Variants in NRXN3 observed in about 807,000 individuals in gnomAD.
NRXN3 encodes neurexin III.
A neutral mutation model predicts 137.6 loss-of-function variants in NRXN3; 32 were observed. The ratio of observed to expected loss-of-function variants is 0.23; its 90% CI spans 0.18 to 0.31. The LOEUF (loss-of-function observed/expected upper bound fraction) is 0.31, where lower values mean the gene tolerates loss of function less well. NRXN3 is among the 10% of genes least tolerant of loss of function. NRXN3 has a pLI of 1.00. For missense variants in NRXN3, 1,574 were observed against 2,062.5 expected, an observed-to-expected ratio of 0.76 and a Z score of 4.59; for synonymous variants, 798 against 784.5, an observed-to-expected ratio of 1.02 and a Z score of -0.29.
intron 4 of NRXN3, among the ~76,000 whole-genome samples, chr14:78,525,502 G>T (rs562836719): frequency 2.2e-4 from 33 of 152,146 alleles, no homozygotes; most frequent in Non-Finnish European, 4.6e-4. Flanking sequence ...TAAAGACAGG[G>T]ATTCTCTTAC....
At chr14:78,684,621 TAGTG>T (rs765624028) in intron 6 of NRXN3, among the ~76,000 whole-genome samples, 9 of 151,630 alleles carry the variant, frequency 5.9e-5, no homozygotes, top group Non-Finnish European at 1.0e-4. Context: ...CTGGGCAACA[TAGTG>T]AGTCCCCATT....
intron 16 of NRXN3, among the ~76,000 whole-genome samples, chr14:79,470,236 A>G (rs2096482828): frequency 6.6e-6 from 1 of 152,208 alleles, no homozygotes; most frequent in Non-Finnish European, 1.5e-5. Flanking sequence ...AGATGAAGGC[A>G]GGTGGTTTTC....
At chr14:78,994,923 T>A (rs568721455) in intron 15 of NRXN3, among the ~76,000 whole-genome samples, 1 of 152,336 alleles carries the variant, frequency 6.6e-6, no homozygotes, top group African/African-American at 2.4e-5. Flanking sequence ...GAAAATATTA[T>A]AGTACGATAC....
At chr14:78,364,220 A>G (rs1027799576) in intron 4 of NRXN3, among the ~76,000 whole-genome samples, 21 of 152,248 alleles carry the variant, frequency 1.4e-4, no homozygotes, top group African/African-American at 4.8e-4. Flanking sequence ...AAAAGAGACC[A>G]GGGCTTCTAG....
At chr14:79,822,832 CA>C (rs1185173048) in intron 20 of NRXN3, among the ~76,000 whole-genome samples, 2 of 146,532 alleles carry the variant, frequency 1.4e-5, no homozygotes, top group South Asian at 2.2e-4. Flanking sequence ...AACAAACAAA[CA>C]AAAAAACCAA....
chr14:79,468,243 A>T (rs1464009404), intron 16 of NRXN3, among the ~76,000 whole-genome samples: 1 of 152,234 alleles, frequency 6.6e-6, no homozygotes, highest in East Asian at 1.9e-4. Context: ...TTCTTTTGTT[A>T]TAAGGATGGA....
intron 15 of NRXN3, among the ~76,000 whole-genome samples, chr14:79,096,662 C>T (rs1457629403): frequency 6.6e-6 from 1 of 152,086 alleles, no homozygotes; most frequent in Non-Finnish European, 1.5e-5. Context: ...CTCTCACCAG[C>T]ATTCTCTGTG....
chr14:79,853,459 TAG>T (rs2099396132), intron 20 of NRXN3: 1 of 660,624 alleles, frequency 1.5e-6, no homozygotes, highest in African/African-American at 1.9e-5. Context: ...TTGTCAGTGT[TAG>T]AGTTCTGTTC....
chr14:79,151,934 T>C (rs546121037), intron 15 of NRXN3, among the ~76,000 whole-genome samples: 1 of 152,226 alleles, frequency 6.6e-6, no homozygotes, highest in South Asian at 2.1e-4. Context: ...ATTTCCATGA[T>C]ATTAAAATTG....
At chr14:78,611,898 T>A (rs2097303742) in intron 4 of NRXN3, among the ~76,000 whole-genome samples, 1 of 152,216 alleles carries the variant, frequency 6.6e-6, no homozygotes, top group South Asian at 2.1e-4. Flanking sequence ...GCCTTTGAAT[T>A]GTTGATAAGA....
chr14:79,093,074 T>C (rs1043475642), intron 15 of NRXN3, among the ~76,000 whole-genome samples: 1 of 152,156 alleles, frequency 6.6e-6, no homozygotes, highest in Admixed American at 6.5e-5. Flanking sequence ...GGGCAGACAG[T>C]GAACATTAAA....
intron 15 of NRXN3, among the ~76,000 whole-genome samples, chr14:79,064,709 TTTTTCATAATTACCC>T (rs772430539): frequency 0.1 from 14,762 of 147,010 alleles, 855 homozygotes; most frequent in Middle Eastern, 0.19. Flanking sequence ...CCCATATATA[TTTTTCATAATTACCC>T]ATATATATGT....
chr14:79,389,111 G>T (rs745662115), intron 15 of NRXN3, among the ~76,000 whole-genome samples: 5 of 152,162 alleles, frequency 3.3e-5, no homozygotes, highest in Non-Finnish European at 7.4e-5. Flanking sequence ...AATGCAGGGG[G>T]TTATTTCATG....
chr14:79,483,590 ACT>A (rs572487432), intron 16 of NRXN3, among the ~76,000 whole-genome samples: 64 of 152,168 alleles, frequency 4.2e-4, no homozygotes, highest in Middle Eastern at 3.4e-3. Flanking sequence ...AGCTCCAGTG[ACT>A]CTCTGCAAGA....
chr14:78,423,182 CAGA>C (rs2093520771), intron 4 of NRXN3, among the ~76,000 whole-genome samples: 1 of 151,800 alleles, frequency 6.6e-6, no homozygotes, highest in African/African-American at 2.4e-5. Flanking sequence ...AGTAAAAATG[CAGA>C]AGGAGAATTC....
chr14:79,134,770 G>A (rs1046669345), intron 15 of NRXN3, among the ~76,000 whole-genome samples: 4 of 152,108 alleles, frequency 2.6e-5, no homozygotes, highest in Non-Finnish European at 4.4e-5. Flanking sequence ...CAAGAGGTTT[G>A]TTGTCTTGCT....
intron 20 of NRXN3, chr14:79,853,573 C>T (rs376667384): frequency 3.4e-5 from 46 of 1,351,526 alleles, no homozygotes; most frequent in Admixed American, 1.1e-4. Flanking sequence ...CACTCCGTGC[C>T]GCCCTTACAT....
intron 15 of NRXN3, among the ~76,000 whole-genome samples, chr14:78,990,950 G>T (rs2099517574): frequency 6.6e-6 from 1 of 152,058 alleles, no homozygotes; most frequent in Admixed American, 6.5e-5. Context: ...GTTATAATTG[G>T]CTATTTCATC....
At chr14:79,194,246 C>T (rs560854788) in intron 15 of NRXN3, among the ~76,000 whole-genome samples, 9 of 152,276 alleles carry the variant, frequency 5.9e-5, no homozygotes, top group South Asian at 4.1e-4. Flanking sequence ...CAGGTTATTT[C>T]GAATGATGGC....
Sources: allele counts gnomAD v4.1 joint callset (sites outside exome capture counted in the v4.1 genomes callset), GRCh38; gene constraint gnomAD v4.1.1; transcripts MANE v1.5; gene names NCBI Gene and HGNC (gene_info 2026-07-23, HGNC 2026-07-21).